The following LYZL1 variants were observed in gnomAD, a reference collection of about 807,000 sequenced individuals.
LYZL1 encodes the protein lysozyme-like protein 1.
Under a neutral mutation model 17.9 loss-of-function variants are expected in LYZL1, and 16 were observed. That is an observed-to-expected ratio of 0.90 (90% CI 0.61 to 1.36). The LOEUF (loss-of-function observed/expected upper bound fraction) is 1.36. LYZL1 is among the 40% of genes most tolerant of loss of function. LYZL1 has a pLI of 0.00. For missense variants in LYZL1, 149 were observed against 188.4 expected, an observed-to-expected ratio of 0.79 and a Z score of 1.22; for synonymous variants, 58 against 71.8, an observed-to-expected ratio of 0.81 and a Z score of 0.97.
At chr10:29,312,168 T>C (rs1445634760), downstream of LYZL1, among the ~76,000 whole-genome samples, 1 of 152,170 alleles carries the variant, frequency 6.6e-6, no homozygotes, top group African/African-American at 2.4e-5. Context: ...TAGTTGCAGC[T>C]TTTATGCCTA....
At chr10:29,316,279 A>G (rs140699881) in intron 3 of LYZL1, among the ~76,000 whole-genome samples, 4 of 152,352 alleles carry the variant, frequency 2.6e-5, no homozygotes, top group African/African-American at 9.6e-5. Flanking sequence ...GTGCAGGGAA[A>G]TAGAACAGGG....
At chr10:29,293,791 G>T (rs1204686621) in intron 3 of LYZL1, among the ~76,000 whole-genome samples, 1 of 151,858 alleles carries the variant, frequency 6.6e-6, no homozygotes, top group South Asian at 2.1e-4. Flanking sequence ...TGACCAACAC[G>T]GTGAAACCCC....
downstream of LYZL1, among the ~76,000 whole-genome samples, chr10:29,315,833 A>G (rs1308550203): frequency 7.4e-6 from 1 of 135,894 alleles, no homozygotes; most frequent in Admixed American, 7.2e-5. Context: ...TGGGCAACAG[A>G]GTGAAACACT....
intron 1 of LYZL1, among the ~76,000 whole-genome samples, chr10:29,290,201 A>G (rs1835343274): frequency 6.6e-6 from 1 of 152,220 alleles, no homozygotes; most frequent in African/African-American, 2.4e-5. Context: ...GGATGAACAT[A>G]TGTAAGAACA....
intron 3 of LYZL1, 124 bp downstream of exon 3, chr10:29,292,801 C>A (rs545143459): frequency 2.8e-6 from 4 of 1,408,106 alleles, no homozygotes; most frequent in South Asian, 1.4e-5. Flanking sequence ...AGGTCTGTTC[C>A]AGATTGGTAA....
At chr10:29,315,362 A>T (rs1296469787), downstream of LYZL1, among the ~76,000 whole-genome samples, 1 of 152,054 alleles carries the variant, frequency 6.6e-6, no homozygotes, top group African/African-American at 2.4e-5. Context: ...ATACAAAAAA[A>T]TTAGACAGGC....
rs558567229 is a variant in LYZL1, at chr10:29,296,187, A to T, written c.298+3510A>T. 4.6e-5 allele frequency among the ~76,000 whole-genome samples: 7 copies of T among 152,328 alleles called. No individual in the cohort carries two copies. In the East Asian group the frequency reaches 1.4e-3, roughly 29 times the overall value. ...CCAAAGGGATTCGAGAATCAATAAGATAAAAAGATAAATCCACATATACAA... is the reference window on the plus strand; with the variant it reads ...CCAAAGGGATTCGAGAATCAATAAGTTAAAAAGATAAATCCACATATACAA... On this transcript the variant is annotated intron_variant, in intron 3 of 4. Coordinates refer to ENST00000649382, the MANE Select transcript of LYZL1 (RefSeq NM_032517.6).
chr10:29,315,308 G>A (rs566773234), downstream of LYZL1, among the ~76,000 whole-genome samples: 552 of 152,026 alleles, frequency 3.6e-3, 1 homozygote, highest in African/African-American at 0.013. Context: ...TCAGGAGTTC[G>A]AGACCATCCT....
chr10:29,293,117 C>CTTTTTTTTTTT, intron 3 of LYZL1, among the ~76,000 whole-genome samples: 1 of 107,278 alleles, frequency 9.3e-6, no homozygotes, highest in Non-Finnish European at 2.1e-5. Flanking sequence ...CTTTTTTTTT[C>CTTTTTTTTTTT]TTTTCTTTTC....
At chr10:29,306,377 C>A (rs1286500454) in intron 3 of LYZL1, among the ~76,000 whole-genome samples, 1 of 142,904 alleles carries the variant, frequency 7.0e-6, no homozygotes, top group East Asian at 2.0e-4. Context: ...GGTGAAACCC[C>A]GCCTCTACTA....
downstream of LYZL1, among the ~76,000 whole-genome samples, chr10:29,314,802 A>G (rs1835710076): frequency 6.6e-6 from 1 of 152,150 alleles, no homozygotes; most frequent in Admixed American, 6.5e-5. Context: ...TTCACTCCAT[A>G]TACACGTCCC....
chr10:29,300,892 G>T (rs1172912345), intron 3 of LYZL1, among the ~76,000 whole-genome samples: 4 of 152,170 alleles, frequency 2.6e-5, no homozygotes, highest in Non-Finnish European at 4.4e-5. Context: ...CATGATCACA[G>T]TTCACTGCAG....
chr10:29,289,914 T>C (rs1319321630), intron 1 of LYZL1, among the ~76,000 whole-genome samples: 1 of 152,222 alleles, frequency 6.6e-6, no homozygotes, highest in Non-Finnish European at 1.5e-5. Context: ...TATTACCAAA[T>C]GGGTGTAGCT....
At chr10:29,318,222 G>T (rs1835752821) in exon 5 of LYZL1, 1 of 982,222 alleles carries the variant, frequency 1.0e-6, no homozygotes, top group Non-Finnish European at 1.2e-6. Flanking sequence ...GCCTGCTCAA[G>T]ACCACAACCC....
chr10:29,305,410 C>A (rs1259671847), intron 3 of LYZL1, among the ~76,000 whole-genome samples: 1 of 152,102 alleles, frequency 6.6e-6, no homozygotes, highest in South Asian at 2.1e-4. Context: ...AGAATTTAAG[C>A]CCCCTATCAG....
Position 29,311,121 on chromosome 10 carries a change from T to C in LYZL1, c.*62T>C, listed in dbSNP as rs543445678. 112 of 1,613,928 alleles carry C rather than the reference T, an allele frequency of 6.9e-5. No homozygotes were observed. In the African/African-American group the frequency reaches 9.5e-4, roughly 14 times the overall value. On this transcript the variant is annotated 3_prime_UTR_variant, in exon 5 of 5. Coordinates refer to ENST00000649382, the MANE Select transcript of LYZL1 (RefSeq NM_032517.6). ...CTAGGATTTGCAGTGAATGTCCAAATGCCTGTGTCATCTTGTCCCGTTTCC... is the reference window on the plus strand; with the variant it reads ...CTAGGATTTGCAGTGAATGTCCAAACGCCTGTGTCATCTTGTCCCGTTTCC...
chr10:29,292,621 C>T lies in LYZL1; in HGVS notation c.242C>T (p.Ala81Val), dbSNP rs376302456. The change falls in exon 3 of 5, where the codon GCG becomes GTG. Residue 81 changes from alanine to valine, a missense_variant. Ala to Val is a moderately conservative substitution (Grantham distance 64). Around this residue, in one of 2 missense-constraint regions of LYZL1, gnomAD observed 130 missense variants for 132.5 expected, o/e 0.98. Transcript: ENST00000649382. The part of the protein sequence containing the change: ...DYGIFQINSF[A>V]WCRRGKLKEN... Reference sequence around the variant, plus strand: ...GGCATCTTCCAGATCAACAGCTTCGCGTGGTGCAGACGCGGAAAGCTGAAG... The same window carrying T: ...GGCATCTTCCAGATCAACAGCTTCGTGTGGTGCAGACGCGGAAAGCTGAAG... The T allele has an allele frequency of 2.9e-5, 47 of 1,614,248 alleles. No individual in the cohort carries two copies. The East Asian group carries it at 3.8e-4, about 13-fold the overall frequency.
At chr10:29,306,007 A>G (rs1835584420) in intron 3 of LYZL1, among the ~76,000 whole-genome samples, 1 of 152,234 alleles carries the variant, frequency 6.6e-6, no homozygotes, top group African/African-American at 2.4e-5. Flanking sequence ...TCTGGTATCA[A>G]AAATAGTGCA....
At position 29,308,297 on chromosome 10, in the gene LYZL1, C is replaced by A. The variant is rs541747006; in HGVS notation, c.299-1813C>A. On this transcript the variant is annotated intron_variant, in intron 3 of 4. Transcript: ENST00000649382. ...GTGAGGCAGAGGCATGCGGACCTGG[C>A]ATGTGGGCCCGACTTGGGCCACTCT... 1.3e-4 allele frequency among the ~76,000 whole-genome samples: 20 copies of A among 152,336 alleles called. No homozygotes were observed. In the East Asian group the frequency reaches 3.9e-3, roughly 29 times the overall value.
Sources: gnomAD v4.1 joint callset for allele counts (sites outside exome capture counted in the v4.1 genomes callset) on GRCh38, gnomAD v4.1.1 for gene constraint, gnomAD v4.1.1 regional missense constraint, MANE v1.5 for transcripts, NCBI Gene and HGNC (gene_info 2026-07-23, HGNC 2026-07-21) for gene names.